Variants in RNF187 observed in about 807,000 individuals in gnomAD.
The protein encoded by RNF187 is ring finger protein 187, also known as E3 ubiquitin-protein ligase RNF187.
A neutral mutation model predicts 22.2 loss-of-function variants in RNF187; 18 were observed. The ratio of observed to expected loss-of-function variants is 0.81; its 90% CI spans 0.56 to 1.20. The LOEUF is 1.20. Ranked by LOEUF, RNF187 falls within the 50% of genes most tolerant of loss-of-function variation. RNF187 has a pLI of 0.00. For missense variants in RNF187, 329 were observed against 317.6 expected (o/e 1.04, Z -0.27); for synonymous variants, 164 against 140.9 (o/e 1.16, Z -1.16).
chr1:228,487,910 G>A, intron 1 of RNF187, 32 bp downstream of exon 1: 2 of 1,094,232 alleles, frequency 1.8e-6, no homozygotes, highest in Non-Finnish European at 1.1e-6. Flanking sequence ...GCCCCACCCC[G>A]GACGGTGCCC....
chr1:228,487,678 G>A lies in RNF187; in HGVS notation c.190G>A (p.Gly64Ser). The A allele has an allele frequency of 3.6e-6, 4 of 1,101,788 alleles. No individual in the cohort carries two copies. The highest frequency in any genetic ancestry group is 3.3e-6 in the Non-Finnish European group (3 of 903,648). 68.3% of individuals were successfully genotyped at this position (1,101,788 alleles called of 1,614,324 possible). A position where few individuals can be genotyped will look rare whatever the true frequency, so the allele number is the denominator to read the frequency against. The change falls in exon 1 of 4, where the codon GGC becomes AGC. Residue 64 changes from glycine to serine, a missense_variant. By Grantham distance (56) the Gly-to-Ser change is moderately conservative. Coordinates refer to ENST00000305943, the MANE Select transcript of RNF187 (RefSeq NM_001010858.3). ...CTGCTGGCAGCGCGCCGTGGAGCCC[G>A]GCAGGCCCCCGCTCAGCCGCCGCCT...
At position 228,495,585 on chromosome 1, in the gene RNF187, CCT is replaced by C; in HGVS notation, c.*1701_*1702del. On this transcript the variant is annotated 3_prime_UTR_variant, in exon 4 of 4. Coordinates refer to ENST00000305943, the MANE Select transcript of RNF187 (RefSeq NM_001010858.3). ...AGCATCCCTGCCCCTGCCCTGCACA[CCT>C]GTGATGCTTGCCCGGACAGGTCCTG... The C allele has an allele frequency of 1.0e-6, 1 of 985,496 alleles. No homozygotes were observed. The highest frequency in any genetic ancestry group is 4.7e-5 in the South Asian group (1 of 21,284). 61.0% of individuals were successfully genotyped at this position (985,496 alleles called of 1,614,324 possible).
chr1:228,490,370 C>T, intron 2 of RNF187, among the ~76,000 whole-genome samples: 16 of 152,226 alleles, frequency 1.1e-4, no homozygotes, highest in African/African-American at 3.9e-4. Context: ...TGAACTTCTC[C>T]TTGCCTTGTG....
In RNF187 at chr1:228,489,005, G is replaced by A. The variant is rs1303328565; in HGVS notation, c.436G>A (p.Ala146Thr). 6.4e-7 allele frequency: 1 copy of A among 1,550,632 alleles called. No individual in the cohort carries two copies. Among genetic ancestry groups the A allele is most frequent in the South Asian group, 1.2e-5 (1 of 84,056 alleles). Residue 146 changes from alanine (A) to threonine (T), a missense_variant, in exon 2 of 4, where the codon GCC (alanine) becomes ACC (threonine). By Grantham distance (58) the Ala-to-Thr change is moderately conservative. Coordinates refer to ENST00000305943, the MANE Select transcript of RNF187 (RefSeq NM_001010858.3). ...AATCATGAGAAAGGACTTGAATGACGCCCGGGACCTGCATGGCCAGGCAGA... is the reference window on the plus strand; with the variant it reads ...AATCATGAGAAAGGACTTGAATGACACCCGGGACCTGCATGGCCAGGCAGA...
chr1:228,490,040 CTT>C, intron 2 of RNF187, among the ~76,000 whole-genome samples: 1 of 152,220 alleles, frequency 6.6e-6, no homozygotes, highest in African/African-American at 2.4e-5. Context: ...TATTTGGTGA[CTT>C]TTTCCTCGTG....
chr1:228,487,620 CG>C lies in RNF187; in HGVS notation c.135del (p.Phe47SerfsTer93). ...TGGTGCGCTTCTGGGCCGAGGAGGA[CG>C]GGCCCTTCCCGTGCCCCGAGTGCGC... is the stretch of plus-strand genomic sequence containing the variant. On this transcript the variant is annotated frameshift_variant, in exon 1 of 4. Transcript: ENST00000305943. LOFTEE classifies it high-confidence loss of function. The C allele has an allele frequency of 1.6e-6, 2 of 1,230,766 alleles. No homozygotes were observed. The highest frequency in any genetic ancestry group is 2.0e-5 in the South Asian group (1 of 48,868). The allele number at this position is 1,230,766 out of a possible 1,614,324, so 76.2% of individuals were successfully genotyped here.
Position 228,494,776 on chromosome 1 carries a change from A to C in RNF187, c.*891A>C. Reference sequence around the variant, plus strand: ...AGTCGACAGAAACTCAGCACTGGGGACAGGATTGCAAAGTCGGGGACATAG... The same window carrying C: ...AGTCGACAGAAACTCAGCACTGGGGCCAGGATTGCAAAGTCGGGGACATAG... On this transcript the variant is annotated 3_prime_UTR_variant, in exon 4 of 4. Coordinates refer to ENST00000305943, the MANE Select transcript of RNF187 (RefSeq NM_001010858.3). 2.0e-6 allele frequency: 2 copies of C among 985,458 alleles called. No homozygotes were observed. Among genetic ancestry groups the C allele is most frequent in the East Asian group, 2.3e-4 (2 of 8,802 alleles). The allele number at this position is 985,458 out of a possible 1,614,324, so 61.0% of individuals were successfully genotyped here.
Position 228,487,813 on chromosome 1 carries a change from C to T in RNF187, c.325C>T (p.Arg109Cys). Residue 109 changes from arginine to cysteine, a missense_variant, in exon 1 of 4, where the codon CGT becomes TGT. Physicochemically the swap from Arg to Cys is radical, Grantham distance 180. Coordinates refer to ENST00000305943, the MANE Select transcript of RNF187 (RefSeq NM_001010858.3). ...CGCCGGCCCGCTCTGCGCCGCCTGC[C>T]GTATGGCTGCGGGCCCCGAGCCGCC... The T allele has an allele frequency of 8.5e-7, 1 of 1,182,718 alleles. No individual in the cohort carries two copies. Among genetic ancestry groups the T allele is most frequent in the Non-Finnish European group, 1.0e-6 (1 of 954,156 alleles). The allele number at this position is 1,182,718 out of a possible 1,614,324, so 73.3% of individuals were successfully genotyped here. A position where few individuals can be genotyped will look rare whatever the true frequency, so the allele number is the denominator to read the frequency against.
intron 1 of RNF187, chr1:228,488,513 C>T: frequency 1.3e-5 from 2 of 158,818 alleles, no homozygotes; most frequent in East Asian, 1.9e-4. Context: ...GAATAGGAGA[C>T]AACAGCCAGC....
Position 228,493,786 on chromosome 1 carries a change from G to A in RNF187, c.706-97G>A. 8 of 1,302,080 alleles carry A rather than the reference G, an allele frequency of 6.1e-6. No individual in the cohort carries two copies. Among genetic ancestry groups the A allele is most frequent in the African/African-American group, 1.5e-5 (1 of 68,238 alleles). The allele number at this position is 1,302,080 out of a possible 1,614,324, so 80.7% of individuals were successfully genotyped here. ...GTACCTCATGCGCTGTCTCATGTGC[G>A]CTCTCTCTTTCGCTCTCTCCTTTTG... On this transcript the variant is annotated intron_variant, in intron 3 of 3. Coordinates refer to ENST00000305943, the MANE Select transcript of RNF187 (RefSeq NM_001010858.3). The surrounding 1 kb of genome is among the most constrained non-coding windows in gnomAD (Gnocchi z 4.7).
Position 228,495,597 on chromosome 1 carries a change from G to C in RNF187, c.*1712G>C. 5 of 985,362 alleles carry C rather than the reference G, an allele frequency of 5.1e-6. No homozygotes were observed. The highest frequency in any genetic ancestry group is 6.0e-6 in the Non-Finnish European group (5 of 829,952). 61.0% of individuals were successfully genotyped at this position (985,362 alleles called of 1,614,324 possible). A position where few individuals can be genotyped will look rare whatever the true frequency, so the allele number is the denominator to read the frequency against. ...CCTGCCCTGCACACCTGTGATGCTT[G>C]CCCGGACAGGTCCTGATGGCAGAGT... On this transcript the variant is annotated 3_prime_UTR_variant, in exon 4 of 4. Coordinates refer to ENST00000305943, the MANE Select transcript of RNF187 (RefSeq NM_001010858.3).
intron 2 of RNF187, among the ~76,000 whole-genome samples, chr1:228,489,849 C>G: frequency 6.6e-6 from 1 of 152,202 alleles, no homozygotes; most frequent in Non-Finnish European, 1.5e-5. Context: ...AGGGTCCTGC[C>G]TCCTAACGCC....
rs1165938575 is a variant in RNF187, at chr1:228,487,471, G to A, written c.-18G>A. On this transcript the variant is annotated 5_prime_UTR_variant, in exon 1 of 4. Transcript: ENST00000305943. ...CCCAGCCGCTCCTGCGCCCTTGCCG[G>A]CCCCGCCGCCCGCAGCCCTGGCGCT... 7 of 1,110,434 alleles carry A rather than the reference G, an allele frequency of 6.3e-6. No homozygotes were observed. Among genetic ancestry groups the A allele is most frequent in the Non-Finnish European group, 7.7e-6 (7 of 912,750 alleles). 68.8% of individuals were successfully genotyped at this position (1,110,434 alleles called of 1,614,324 possible).
At chr1:228,488,594 T>A in intron 1 of RNF187, 1 of 188,666 alleles carries the variant, frequency 5.3e-6, no homozygotes, top group Non-Finnish European at 1.1e-5. Context: ...TCCTCCTGCA[T>A]TGGGGGTCCT....
Position 228,493,189 on chromosome 1 carries a change from C to A in RNF187, c.620C>A (p.Pro207His). Residue 207 changes from proline to histidine, a missense_variant, in exon 3 of 4, where the codon CCC (proline) becomes CAC (histidine). Pro to His is a moderately conservative substitution (Grantham distance 77, BLOSUM62 -2). Coordinates refer to ENST00000305943, the MANE Select transcript of RNF187 (RefSeq NM_001010858.3). This position sits in a 1 kb window ranked among gnomAD's most constrained non-coding sequence, Gnocchi z 4.7. Reference sequence around the variant, plus strand: ...CTCCCTGAGGACGAGCTGGCTGACCCCACTGAGCGGTTCAGGTCACTGCTG... The same window carrying A: ...CTCCCTGAGGACGAGCTGGCTGACCACACTGAGCGGTTCAGGTCACTGCTG... 1 of 1,551,694 alleles carries A rather than the reference C, an allele frequency of 6.4e-7. No homozygotes were observed. Among genetic ancestry groups the A allele is most frequent in the Non-Finnish European group, 8.7e-7 (1 of 1,147,000 alleles).
chr1:228,495,129 CT>C lies in RNF187; in HGVS notation c.*1245del. 6.5e-6 allele frequency: 5 copies of C among 770,802 alleles called. No homozygotes were observed. Among genetic ancestry groups the C allele is most frequent in the Non-Finnish European group, 7.9e-6 (5 of 633,856 alleles). 47.7% of individuals were successfully genotyped at this position (770,802 alleles called of 1,614,324 possible). A position where few individuals can be genotyped will look rare whatever the true frequency, so the allele number is the denominator to read the frequency against. On this transcript the variant is annotated 3_prime_UTR_variant, in exon 4 of 4. Transcript: ENST00000305943. Reference sequence around the variant, plus strand: ...GGGTGTGGGACCCTTTCCTTGGGGCCTGGGGGGAGATGGGGCTCCACCCCGA... The same window carrying C: ...GGGTGTGGGACCCTTTCCTTGGGGCCGGGGGGAGATGGGGCTCCACCCCGA...
At chr1:228,489,801 T>C in intron 2 of RNF187, among the ~76,000 whole-genome samples, 4 of 152,284 alleles carry the variant, frequency 2.6e-5, no homozygotes, top group East Asian at 3.9e-4. Flanking sequence ...CTGATTCCGT[T>C]CTTGAGAGTT....
chr1:228,492,718 C>T, intron 2 of RNF187, among the ~76,000 whole-genome samples: 1 of 147,598 alleles, frequency 6.8e-6, no homozygotes, highest in Non-Finnish European at 1.5e-5. Flanking sequence ...CCTCCGCCTC[C>T]TGGATTCAAG....
Position 228,492,578 on chromosome 1 carries a change from C to T in RNF187, c.484-475C>T. Among the ~76,000 whole-genome samples, 26 of 150,870 alleles carry T rather than the reference C, an allele frequency of 1.7e-4. No individual in the cohort carries two copies. In the South Asian group the frequency reaches 5.3e-3, roughly 31 times the overall value. On this transcript the variant is annotated intron_variant, in intron 2 of 3. Coordinates refer to ENST00000305943, the MANE Select transcript of RNF187 (RefSeq NM_001010858.3). ...CTCATGTTCTGTCTGCCTCAGCCTC[C>T]CAAAGTGCTGGGATTATAGGCGTGA...
Sources: gnomAD v4.1 joint callset for allele counts (sites outside exome capture counted in the v4.1 genomes callset) on GRCh38, gnomAD v4.1.1 for gene constraint, Gnocchi (gnomAD v3.1) non-coding constraint, MANE v1.5 for transcripts, NCBI Gene and HGNC (gene_info 2026-07-23, HGNC 2026-07-21) for gene names.